Variants in CNTN1 observed in about 807,000 individuals in gnomAD.
CNTN1 encodes the protein contactin-1.
In CNTN1, 38 loss-of-function variants were observed where a neutral mutation model predicts 126.4. The observed-to-expected ratio is 0.30, with a 90% CI of 0.23 to 0.39. The LOEUF is 0.39. Ranked by LOEUF, CNTN1 falls within the 10% of genes least tolerant of loss-of-function variation. The pLI, the probability that CNTN1 is intolerant of heterozygous loss-of-function variation, is 1.00. For missense variants in CNTN1, 1,009 were observed against 1,248.4 expected (o/e 0.81, Z 2.89); for synonymous variants, 413 against 422.6 (o/e 0.98, Z 0.28).
At chr12:41,027,095 C>T (rs983602061) in intron 21 of CNTN1, among the ~76,000 whole-genome samples, 14 of 151,952 alleles carry the variant, frequency 9.2e-5, no homozygotes, top group African/African-American at 3.4e-4. Flanking sequence ...TGAGGATACT[C>T]GACATTATAT....
At chr12:41,022,041 T>C (rs919798789) in intron 20 of CNTN1, among the ~76,000 whole-genome samples, 1 of 152,092 alleles carries the variant, frequency 6.6e-6, no homozygotes, top group Admixed American at 6.6e-5. Context: ...ATATATGACA[T>C]ATTTTACTTT....
At chr12:40,712,120 G>A (rs1049865396) in intron 1 of CNTN1, among the ~76,000 whole-genome samples, 1 of 152,084 alleles carries the variant, frequency 6.6e-6, no homozygotes, top group African/African-American at 2.4e-5. Flanking sequence ...TATTAAAGCT[G>A]CACTTTACTA....
intron 1 of CNTN1, among the ~76,000 whole-genome samples, chr12:40,799,229 AGTTT>A (rs1037060823): frequency 2.0e-5 from 3 of 151,094 alleles, no homozygotes; most frequent in African/African-American, 7.3e-5. Context: ...TATTATTTGA[AGTTT>A]GTTTAATTAA....
chr12:40,824,967 A>G (rs1941563136), intron 1 of CNTN1, among the ~76,000 whole-genome samples: 1 of 152,186 alleles, frequency 6.6e-6, no homozygotes, highest in South Asian at 2.1e-4. Flanking sequence ...AAATATCTCA[A>G]TGAGTATCAT....
At chr12:40,980,740 T>C (rs1223375367) in intron 15 of CNTN1, among the ~76,000 whole-genome samples, 169 bp from the exon 16 acceptor site, 1 of 152,210 alleles carries the variant, frequency 6.6e-6, no homozygotes, top group Non-Finnish European at 1.5e-5. Context: ...CAGTGAAAAC[T>C]ACAAATGATA....
chr12:40,698,793 T>C (rs1184746441), intron 1 of CNTN1, among the ~76,000 whole-genome samples: 2 of 152,170 alleles, frequency 1.3e-5, no homozygotes, highest in Admixed American at 1.3e-4. Context: ...AAGTCCTTTA[T>C]TAAATGGTAC....
At chr12:40,943,918 G>T in intron 13 of CNTN1, 77 bp from the exon 14 acceptor site, 2 of 1,417,282 alleles carry the variant, frequency 1.4e-6, no homozygotes, top group Non-Finnish European at 2.0e-6. Flanking sequence ...AAAATATATT[G>T]GTTATTATTT....
chr12:40,865,840 G>T (rs1296983470), intron 1 of CNTN1, among the ~76,000 whole-genome samples: 1 of 151,932 alleles, frequency 6.6e-6, no homozygotes, highest in African/African-American at 2.4e-5. Flanking sequence ...AGATTGGCTT[G>T]TCAAAATTTG....
chr12:40,738,153 A>G (rs1033105167), intron 1 of CNTN1, among the ~76,000 whole-genome samples: 2 of 152,090 alleles, frequency 1.3e-5, no homozygotes, highest in African/African-American at 4.8e-5. Context: ...TGTATCACAT[A>G]CCAAATTTAG....
chr12:41,066,390 C>A (rs564128150), intron 23 of CNTN1, among the ~76,000 whole-genome samples: 2 of 152,084 alleles, frequency 1.3e-5, no homozygotes, highest in Non-Finnish European at 2.9e-5. Context: ...CTTCCTTAGA[C>A]CCCCTGTGCT....
At chr12:40,827,330 A>AT (rs1259405224) in intron 1 of CNTN1, among the ~76,000 whole-genome samples, 1 of 152,096 alleles carries the variant, frequency 6.6e-6, no homozygotes, top group African/African-American at 2.4e-5. Flanking sequence ...CATATTGATG[A>AT]TTTTTAAGAG....
At chr12:41,002,252 A>T (rs1018641557) in intron 17 of CNTN1, among the ~76,000 whole-genome samples, 1 of 152,158 alleles carries the variant, frequency 6.6e-6, no homozygotes, top group Non-Finnish European at 1.5e-5. Context: ...TATAGTATTG[A>T]TGCTTTCTAT....
intron 1 of CNTN1, among the ~76,000 whole-genome samples, chr12:40,700,329 C>A (rs1267099906): frequency 6.6e-6 from 1 of 151,948 alleles, no homozygotes; most frequent in Non-Finnish European, 1.5e-5. Flanking sequence ...AGTTTGAGAC[C>A]AGCCTGGCCA....
At chr12:40,703,808 G>GAGAC (rs979772388) in intron 1 of CNTN1, among the ~76,000 whole-genome samples, 34 of 151,610 alleles carry the variant, frequency 2.2e-4, no homozygotes, top group African/African-American at 7.3e-4. Flanking sequence ...GAGGGAGAGA[G>GAGAC]AGAGAACAGA....
chr12:41,014,209 ATTTG>A lies in CNTN1; in HGVS notation c.2114-7_2114-4del. The A allele has an allele frequency of 3.7e-6, 6 of 1,612,974 alleles. No individual in the cohort carries two copies. The highest frequency in any genetic ancestry group is 5.1e-6 in the Non-Finnish European group (6 of 1,179,104). Reference sequence around the variant, plus strand: ...CTCTTTTTGTTGTTGTTTTGCATATATTTGTTTGTTTGTTTCAGCACCAAATGTG... The same window carrying A: ...CTCTTTTTGTTGTTGTTTTGCATATATTTGTTTGTTTCAGCACCAAATGTG... On this transcript the variant is annotated splice_polypyrimidine_tract_variant and intron_variant, in intron 17 of 23. Coordinates refer to ENST00000551295, the MANE Select transcript of CNTN1 (RefSeq NM_001843.4).
At chr12:41,014,495 G>A (rs1948736474) in intron 18 of CNTN1, among the ~76,000 whole-genome samples, 197 bp downstream of exon 18, 1 of 152,126 alleles carries the variant, frequency 6.6e-6, no homozygotes, top group Non-Finnish European at 1.5e-5. Flanking sequence ...TCCTATGCAA[G>A]AATGAATCCT....
intron 3 of CNTN1, among the ~76,000 whole-genome samples, chr12:40,910,628 A>G (rs908139497): frequency 1.1e-4 from 16 of 152,196 alleles, no homozygotes; most frequent in Admixed American, 4.6e-4. Flanking sequence ...AAAAATACAG[A>G]GTCTAGAGTA....
chr12:40,849,977 C>CTATA (rs1165502755), intron 1 of CNTN1, among the ~76,000 whole-genome samples: 1 of 150,566 alleles, frequency 6.6e-6, no homozygotes, highest in African/African-American at 2.4e-5. Context: ...TTAGTGAGAT[C>CTATA]TATATATATA....
At chr12:41,054,631 A>C (rs1434336283) in intron 23 of CNTN1, among the ~76,000 whole-genome samples, 1 of 152,068 alleles carries the variant, frequency 6.6e-6, no homozygotes, top group East Asian at 1.9e-4. Flanking sequence ...TTACTAATAC[A>C]TTCTGTAAGC....
Sources: gnomAD v4.1 joint callset for allele counts (sites outside exome capture counted in the v4.1 genomes callset) on GRCh38, gnomAD v4.1.1 for gene constraint, MANE v1.5 for transcripts, NCBI Gene and HGNC (gene_info 2026-07-23, HGNC 2026-07-21) for gene names.